The following ZNF462 variants were observed in gnomAD, a reference collection of about 807,000 sequenced individuals.
The protein encoded by ZNF462 is zinc finger PBX1-interacting protein.
A neutral mutation model predicts 201.9 loss-of-function variants in ZNF462; 10 were observed. The ratio of observed to expected loss-of-function variants is 0.05; its 90% confidence interval spans 0.03 to 0.08. ZNF462 has a LOEUF of 0.08. Among genes scored for constraint, ZNF462 ranks in the 10% least tolerant of loss-of-function variants. The pLI, the probability that ZNF462 is intolerant of heterozygous loss-of-function variation, is 1.00. For missense variants in ZNF462, 2,523 were observed against 3,168.3 expected, an observed-to-expected ratio of 0.80 and a Z score of 4.89; for synonymous variants, 1,227 against 1,193.3, an observed-to-expected ratio of 1.03 and a Z score of -0.58.
intron 10 of ZNF462, among the ~76,000 whole-genome samples, chr9:106,989,148 C>G (rs1828076698): frequency 6.6e-6 from 1 of 152,120 alleles, no homozygotes. Context: ...AACTTTTCCC[C>G]ATTCAGTATT....
rs1588027736 is a variant in ZNF462, at chr9:106,902,960, C to A, written c.-30-20394C>A. 6.6e-6 allele frequency among the ~76,000 whole-genome samples: 1 copy of A among 151,792 alleles called. No individual in the cohort carries two copies. Among genetic ancestry groups the A allele is most frequent in the African/African-American group, 2.4e-5 (1 of 41,332 alleles). ...TGCCCTGATCTTGGTTATTTCCTCC[C>A]TTCTGCTGGGTTTGGGTTTGGTTTA... is the stretch of plus-strand genomic sequence containing the variant. On this transcript the variant is annotated intron_variant, in intron 1 of 12. Coordinates refer to ENST00000277225, the MANE Select transcript of ZNF462 (RefSeq NM_021224.6). The surrounding 1 kb of genome is among the most constrained non-coding windows in gnomAD (Gnocchi z 4.2).
Position 106,919,929 on chromosome 9 carries a change from G to A in ZNF462, c.-30-3425G>A, listed in dbSNP as rs187535967. ...AAATAGACTCTTTTTAGTTAGTTCAGAAACTTCCTCTTTTACTTTTGATTT... is the reference window on the plus strand; with the variant it reads ...AAATAGACTCTTTTTAGTTAGTTCAAAAACTTCCTCTTTTACTTTTGATTT... On this transcript the variant is annotated intron_variant, in intron 1 of 12. Coordinates refer to ENST00000277225, the MANE Select transcript of ZNF462 (RefSeq NM_021224.6). The surrounding 1 kb of genome is among the most constrained non-coding windows in gnomAD (Gnocchi z 4.5). 2.0e-5 allele frequency among the ~76,000 whole-genome samples: 3 copies of A among 152,280 alleles called. No homozygotes were observed. Among genetic ancestry groups the A allele is most frequent in the African/African-American group, 7.2e-5 (3 of 41,560 alleles).
At chr9:106,979,828 A>G (rs767328890) in intron 9 of ZNF462, among the ~76,000 whole-genome samples, 14 of 152,198 alleles carry the variant, frequency 9.2e-5, no homozygotes, top group Non-Finnish European at 1.8e-4. Flanking sequence ...GATGAAACAC[A>G]GTTTTGCCAC....
chr9:106,939,152 G>A, intron 7 of ZNF462, 45 bp downstream of exon 7: 1 of 1,478,764 alleles, frequency 6.8e-7, no homozygotes, highest in Non-Finnish European at 9.0e-7. Flanking sequence ...CAGGGTTGAG[G>A]TGGGCTGGGA....
chr9:106,900,231 TG>T (rs1829004444), intron 1 of ZNF462, among the ~76,000 whole-genome samples: 1 of 151,546 alleles, frequency 6.6e-6, no homozygotes, highest in East Asian at 1.9e-4. Context: ...TGTGTGTGTG[TG>T]TGTGTGTGTG....
Position 106,938,871 on chromosome 9 carries a change from T to A in ZNF462, c.6236-45T>A. ...TTTCCACCCTGGCCTTATACCCTTC[T>A]CCCCTCTTTTTCCTGTTCTATTTCT... On this transcript the variant is annotated intron_variant, in intron 6 of 12. Transcript: ENST00000277225. The surrounding 1 kb of genome is among the most constrained non-coding windows in gnomAD (Gnocchi z 4.4). The A allele has an allele frequency of 6.4e-7, 1 of 1,550,432 alleles. No homozygotes were observed. The highest frequency in any genetic ancestry group is 8.7e-7 in the Non-Finnish European group (1 of 1,145,608).
At position 106,993,627 on chromosome 9, in the gene ZNF462, C is replaced by A. The variant is rs1036541175; in HGVS notation, c.7056+9218C>A. Among the ~76,000 whole-genome samples, 1 of 151,048 alleles carries A rather than the reference C, an allele frequency of 6.6e-6. No individual in the cohort carries two copies. The highest frequency in any genetic ancestry group is 1.5e-5 in the Non-Finnish European group (1 of 67,798). ...CCTCCTCTCCCCCTCCCCTTTACTT[C>A]CCTCTCCCTTCCTTCACTCCCTGCA... On this transcript the variant is annotated intron_variant, in intron 10 of 12. Transcript: ENST00000277225. The surrounding 1 kb of genome is among the most constrained non-coding windows in gnomAD (Gnocchi z 4.0).
At chr9:106,999,386 C>T (rs1056545366) in intron 10 of ZNF462, among the ~76,000 whole-genome samples, 2 of 152,020 alleles carry the variant, frequency 1.3e-5, no homozygotes, top group Admixed American at 6.6e-5. Context: ...GGAAATTTAG[C>T]CTATAAAATT....
At chr9:106,908,121 A>G (rs1409956991) in intron 1 of ZNF462, among the ~76,000 whole-genome samples, 1 of 151,956 alleles carries the variant, frequency 6.6e-6, no homozygotes, top group Non-Finnish European at 1.5e-5. Flanking sequence ...ACTTCTATAA[A>G]CCTCCACGGG....
intron 10 of ZNF462, among the ~76,000 whole-genome samples, chr9:106,998,451 G>T (rs1362304621): frequency 6.6e-6 from 1 of 152,044 alleles, no homozygotes; most frequent in African/African-American, 2.4e-5. Flanking sequence ...CTTAGAATAT[G>T]CCAGAAGTAT....
rs1433753811 is a variant in ZNF462 at position 106,920,722 on chromosome 9, A to G, written c.-30-2632A>G. ...GTGTCCAGTGAAGTTAGCATCCTTG[A>G]TAATAGCTTCAGAAGACACCAAGAT... On this transcript the variant is annotated intron_variant, in intron 1 of 12. Transcript: ENST00000277225. This position sits in a 1 kb window ranked among gnomAD's most constrained non-coding sequence, Gnocchi z 4.3. Among the ~76,000 whole-genome samples, 1 of 152,170 alleles carries G rather than the reference A, an allele frequency of 6.6e-6. No individual in the cohort carries two copies. Among genetic ancestry groups the G allele is most frequent in the Admixed American group, 6.5e-5 (1 of 15,280 alleles).
At chr9:106,967,021 C>G (rs916743318) in intron 7 of ZNF462, among the ~76,000 whole-genome samples, 1 of 152,054 alleles carries the variant, frequency 6.6e-6, no homozygotes, top group Non-Finnish European at 1.5e-5. Context: ...AGGGGGCTGT[C>G]CTCTGCGGCT....
At position 107,003,467 on chromosome 9, in the gene ZNF462, G is replaced by T. The variant is rs369008917; in HGVS notation, c.7189+41G>T. On this transcript the variant is annotated intron_variant, in intron 11 of 12. Coordinates refer to ENST00000277225, the MANE Select transcript of ZNF462 (RefSeq NM_021224.6). The surrounding 1 kb of genome is among the most constrained non-coding windows in gnomAD (Gnocchi z 4.4). ...CCCTCCCAATCCCAGATGGCATCTG[G>T]CATGTCCGTAGTGAGACAGAAGGGA... 44 of 1,608,638 alleles carry T rather than the reference G, an allele frequency of 2.7e-5. No individual in the cohort carries two copies. Among genetic ancestry groups the T allele is most frequent in the Admixed American group, 3.4e-5 (2 of 59,650 alleles).
chr9:106,867,634 G>A (rs1463943766), intron 1 of ZNF462, among the ~76,000 whole-genome samples: 1 of 151,406 alleles, frequency 6.6e-6, no homozygotes, highest in African/African-American at 2.4e-5. Flanking sequence ...GACAGCAGAA[G>A]AAAAAAAATC....
At chr9:106,983,425 T>G (rs116515284) in intron 9 of ZNF462, among the ~76,000 whole-genome samples, 1 of 152,294 alleles carries the variant, frequency 6.6e-6, no homozygotes, top group South Asian at 2.1e-4. Context: ...AGTTGGAGTT[T>G]TAGTGAATGA....
At position 106,935,471 on chromosome 9, in the gene ZNF462, C is replaced by G; in HGVS notation, c.6117-32C>G. 6 of 1,595,884 alleles carry G rather than the reference C, an allele frequency of 3.8e-6. No individual in the cohort carries two copies. The highest frequency in any genetic ancestry group is 5.2e-6 in the Non-Finnish European group (6 of 1,164,170). ...TCCTCTATGCAATTTTTAATTTTGT[C>G]ATTTTTCTTTTTGTTTTCCTTCTAC... On this transcript the variant is annotated intron_variant, in intron 5 of 12. Transcript: ENST00000277225. This position sits in a 1 kb window ranked among gnomAD's most constrained non-coding sequence, Gnocchi z 4.1.
chr9:106,953,880 T>C (rs963003056), intron 7 of ZNF462, among the ~76,000 whole-genome samples: 3 of 152,198 alleles, frequency 2.0e-5, no homozygotes, highest in Non-Finnish European at 4.4e-5. Flanking sequence ...TAATATCCTC[T>C]GCCACTCCAG....
chr9:106,885,152 C>G lies in ZNF462; in HGVS notation c.-31+21797C>G, dbSNP rs1828264229. Among the ~76,000 whole-genome samples, 1 of 152,158 alleles carries G rather than the reference C, an allele frequency of 6.6e-6. No individual in the cohort carries two copies. The highest frequency in any genetic ancestry group is 1.5e-5 in the Non-Finnish European group (1 of 68,022). ...GACACTTCAGCTTCCCAAGAAAATG[C>G]AAGGAATTTATTTATTTTCTTTACA... On this transcript the variant is annotated intron_variant, in intron 1 of 12. Coordinates refer to ENST00000277225, the MANE Select transcript of ZNF462 (RefSeq NM_021224.6). The surrounding 1 kb of genome is among the most constrained non-coding windows in gnomAD (Gnocchi z 4.1).
intron 7 of ZNF462, among the ~76,000 whole-genome samples, chr9:106,956,805 GCTA>G (rs1831595329): frequency 6.6e-6 from 1 of 152,076 alleles, no homozygotes; most frequent in African/African-American, 2.4e-5. Flanking sequence ...ACCAACCTCT[GCTA>G]GCTTCAGACA....
Sources: gnomAD v4.1 joint callset for allele counts (sites outside exome capture counted in the v4.1 genomes callset) on GRCh38, gnomAD v4.1.1 for gene constraint, Gnocchi (gnomAD v3.1) non-coding constraint, MANE v1.5 for transcripts, NCBI Gene and HGNC (gene_info 2026-07-23, HGNC 2026-07-21) for gene names.